The following FOXN3 variants were observed in gnomAD, a reference collection of about 807,000 sequenced individuals.
The protein encoded by FOXN3 is forkhead box protein N3.
In FOXN3, 7 loss-of-function variants were observed where a neutral mutation model predicts 38.4. The ratio of observed to expected loss-of-function variants is 0.18; its 90% CI spans 0.10 to 0.34. The LOEUF (loss-of-function observed/expected upper bound fraction) is 0.34, where lower values mean the gene tolerates loss of function less well. FOXN3 is among the 10% of genes least tolerant of loss of function. FOXN3 has a pLI of 1.00. For missense variants in FOXN3, 456 were observed against 613.4 expected, an observed-to-expected ratio of 0.74 and a Z score of 2.71; for synonymous variants, 230 against 242.2, an observed-to-expected ratio of 0.95 and a Z score of 0.47.
At position 89,336,137 on chromosome 14, in the gene FOXN3, T is replaced by TACACACACACACACACAC. The variant is rs34950734; in HGVS notation, c.680+14517_680+14534dup. 2.3e-4 allele frequency among the ~76,000 whole-genome samples: 32 copies of TACACACACACACACACAC among 140,128 alleles called. 1 individual carries two copies. The highest frequency in any genetic ancestry group is 3.5e-3 in the Middle Eastern group (1 of 282). 91.9% of individuals were successfully genotyped at this position (140,128 alleles called of 152,430 possible). A position where few individuals can be genotyped will look rare whatever the true frequency, so the allele number is the denominator to read the frequency against. The stretch of plus-strand genomic sequence containing the variant: ...TTTTGTCTAAAACAGAAGTGATCCT[T>TACACACACACACACACAC]ACACACACACACACACACACACACA... On this transcript the variant is annotated intron_variant, in intron 3 of 5. Transcript: ENST00000557258.
intron 2 of FOXN3, among the ~76,000 whole-genome samples, chr14:89,393,443 C>T (rs1389144524): frequency 6.6e-6 from 1 of 152,204 alleles, no homozygotes. Context: ...CAGAGTGCCA[C>T]AAGACATCCA....
chr14:89,363,982 AT>A (rs1313315929), intron 2 of FOXN3, among the ~76,000 whole-genome samples: 2 of 92,506 alleles, frequency 2.2e-5, no homozygotes, highest in African/African-American at 1.0e-4. Context: ...ATATATATAT[AT>A]ATATAATATA....
chr14:89,291,754 G>A (rs928217166), intron 3 of FOXN3, among the ~76,000 whole-genome samples: 1 of 152,144 alleles, frequency 6.6e-6, no homozygotes, highest in African/African-American at 2.4e-5. Flanking sequence ...TTCCTTGAAC[G>A]TGTTTGCGAA....
chr14:89,591,500 A>G (rs440220), intron 1 of FOXN3, among the ~76,000 whole-genome samples: 2 of 152,208 alleles, frequency 1.3e-5, no homozygotes, highest in Admixed American at 6.5e-5. Flanking sequence ...TCCCCAGTCC[A>G]TGAGCAGCGC....
rs1013198338 is a variant in FOXN3, at chr14:89,244,454, T to C, written c.745+36496A>G. ...TCACCTACCAACTGTCATGAAAACC[T>C]TGCAAAGTGTGAAGAGTATGAAAAG... On this transcript the variant is annotated intron_variant, in intron 4 of 5. Coordinates refer to ENST00000557258, the MANE Select transcript of FOXN3 (RefSeq NM_005197.4). 6.6e-5 allele frequency among the ~76,000 whole-genome samples: 10 copies of C among 152,326 alleles called. No homozygotes were observed. In the South Asian group the frequency reaches 2.1e-3, roughly 32 times the overall value.
chr14:89,390,351 T>C (rs1450518210), intron 2 of FOXN3, among the ~76,000 whole-genome samples: 1 of 147,662 alleles, frequency 6.8e-6, no homozygotes, highest in African/African-American at 2.5e-5. Flanking sequence ...ATTTTATATG[T>C]ATAAATAATA....
chr14:89,462,122 G>A (rs1342166341), intron 1 of FOXN3, among the ~76,000 whole-genome samples: 1 of 152,260 alleles, frequency 6.6e-6, no homozygotes. Context: ...TGAGTTTAAG[G>A]TGGAAGCAGG....
At chr14:89,541,279 C>G (rs1894786650) in intron 1 of FOXN3, among the ~76,000 whole-genome samples, 1 of 152,162 alleles carries the variant, frequency 6.6e-6, no homozygotes, top group Non-Finnish European at 1.5e-5. Context: ...AGGCTGAGAT[C>G]TACTCGGGCT....
In FOXN3 at chr14:89,412,340, G is replaced by C. The variant is rs755340174; in HGVS notation, c.137C>G (p.Pro46Arg). The C allele has an allele frequency of 1.2e-5, 19 of 1,614,152 alleles. No individual in the cohort carries two copies. Among genetic ancestry groups the C allele is most frequent in the Non-Finnish European group, 1.6e-5 (19 of 1,180,038 alleles). The change falls in exon 2 of 6, where the codon CCT becomes CGT. Residue 46 changes from proline to arginine, a missense_variant. Transcript: ENST00000557258. The surrounding 1 kb of genome is among the most constrained non-coding windows in gnomAD (Gnocchi z 4.7). ...GGCCCCCTCTTCTAATCGGATGTCA[G>C]GCAGAGAAAAGTCGAGGTCATCGTC... ...QEDDDLDFSLPDIRLEEGAME... is the reference protein window; with the variant it reads ...QEDDDLDFSLRDIRLEEGAME...
At chr14:89,588,926 T>C (rs770774215) in intron 1 of FOXN3, among the ~76,000 whole-genome samples, 13 of 152,180 alleles carry the variant, frequency 8.5e-5, no homozygotes, top group Non-Finnish European at 1.6e-4. Flanking sequence ...GCCTGGAATT[T>C]TGTGAAACCT....
At chr14:89,405,859 G>T (rs1398250147) in intron 2 of FOXN3, among the ~76,000 whole-genome samples, 1 of 152,126 alleles carries the variant, frequency 6.6e-6, no homozygotes, top group African/African-American at 2.4e-5. Flanking sequence ...ATACTGAGAA[G>T]GCCTAGGCAA....
At chr14:89,383,617 AC>A (rs889451911) in intron 2 of FOXN3, among the ~76,000 whole-genome samples, 11 of 151,876 alleles carry the variant, frequency 7.2e-5, no homozygotes, top group African/African-American at 2.7e-4. Context: ...TCCCTGGCTC[AC>A]CCCTGCATTG....
chr14:89,478,931 C>CAAAAAAAA (rs59945805), intron 1 of FOXN3, among the ~76,000 whole-genome samples: 1,357 of 54,134 alleles, frequency 0.025, 174 homozygotes, highest in African/African-American at 0.051. Flanking sequence ...GACTCCATCT[C>CAAAAAAAA]AAAAAAAAAA....
chr14:89,536,604 ACC>A (rs1243152425), intron 1 of FOXN3, among the ~76,000 whole-genome samples: 12 of 151,734 alleles, frequency 7.9e-5, no homozygotes. Flanking sequence ...ACATGATGAA[ACC>A]CCCGTCTCTA....
chr14:89,609,807 G>A (rs1392211180), intron 1 of FOXN3, among the ~76,000 whole-genome samples: 1 of 152,116 alleles, frequency 6.6e-6, no homozygotes, highest in East Asian at 1.9e-4. Flanking sequence ...ACCAGTAAGG[G>A]TTGTGGAGAT....
At chr14:89,452,889 T>C (rs914486255) in intron 1 of FOXN3, among the ~76,000 whole-genome samples, 14 of 152,042 alleles carry the variant, frequency 9.2e-5, no homozygotes, top group Admixed American at 9.2e-4. Flanking sequence ...GTGTAAGAGA[T>C]AACAAACACT....
At chr14:89,224,389 C>T (rs1884565387) in intron 4 of FOXN3, among the ~76,000 whole-genome samples, 1 of 152,158 alleles carries the variant, frequency 6.6e-6, no homozygotes, top group Non-Finnish European at 1.5e-5. Flanking sequence ...CTGTGAACAC[C>T]TGTCAAAAGC....
chr14:89,430,034 T>G (rs1477359657), intron 1 of FOXN3, among the ~76,000 whole-genome samples: 1 of 152,230 alleles, frequency 6.6e-6, no homozygotes, highest in Non-Finnish European at 1.5e-5. Context: ...GTTACACATT[T>G]ATTTCTCTGA....
intron 3 of FOXN3, among the ~76,000 whole-genome samples, chr14:89,317,711 C>G (rs141047989): frequency 8.5e-5 from 13 of 152,124 alleles, no homozygotes; most frequent in South Asian, 4.2e-4. Flanking sequence ...CCTTTCCCCC[C>G]CCATAGAAAT....
Sources: allele counts gnomAD v4.1 joint callset (sites outside exome capture counted in the v4.1 genomes callset), GRCh38; gene constraint gnomAD v4.1.1; non-coding constraint Gnocchi (gnomAD v3.1); transcripts MANE v1.5; gene names NCBI Gene and HGNC (gene_info 2026-07-23, HGNC 2026-07-21).